XAGE5: variants seen among roughly 807,000 people sequenced by gnomAD.
XAGE5 encodes G antigen, family D, 5.
A neutral mutation model predicts 13.1 loss-of-function variants in XAGE5; 13 were observed. That is an observed-to-expected ratio of 0.99 (90% confidence interval 0.64 to 1.57). The LOEUF (loss-of-function observed/expected upper bound fraction) is 1.57. Ranked by LOEUF, XAGE5 falls within the 40% of genes most tolerant of loss-of-function variation. XAGE5 has a pLI of 0.00. For missense variants in XAGE5, 86 were observed against 77.6 expected, an observed-to-expected ratio of 1.11 and a Z score of -0.41; for synonymous variants, 17 against 25.0, an observed-to-expected ratio of 0.68 and a Z score of 0.96.
intron 2 of XAGE5, among the ~76,000 whole-genome samples, chrX:52,812,039 C>T (rs781823646): frequency 1.8e-5 from 2 of 111,476 alleles, no homozygotes; most frequent in South Asian, 7.5e-4. Context: ...TTGGAAATAC[C>T]GTGTGTCTCT....
chrX:52,812,159 A>T (rs1329029006), intron 2 of XAGE5: 1 of 132,759 alleles, frequency 7.5e-6, no homozygotes, highest in Non-Finnish European at 1.5e-5. Context: ...CTTACTTTTC[A>T]ATGTCTTACC....
Position 52,812,603 on chromosome X carries a change from T to C in XAGE5, c.37T>C (p.Cys13Arg), listed in dbSNP as rs1310593470. Residue 13 changes from cysteine to arginine, a missense_variant, in exon 3 of 6, where the codon TGT (cysteine) becomes CGT (arginine). Coordinates refer to ENST00000375501, the MANE Select transcript of XAGE5 (RefSeq NM_001386970.1). ...AGGAAGAAGATATAGACCAAGACGA[T>C]GTTTACGACTTGCTCAGCTGGTTGG... ...WRGRRYRPRR[C>R]LRLAQLVGPM... is the part of the protein sequence containing the mutation. The C allele has an allele frequency of 8.3e-7, 1 of 1,211,651 alleles. No individual in the cohort carries two copies. The highest frequency in any genetic ancestry group is 1.1e-6 in the Non-Finnish European group (1 of 895,451).
At chrX:52,817,566 G>C (rs1926929877) in intron 5 of XAGE5, among the ~76,000 whole-genome samples, 1 of 111,987 alleles carries the variant, frequency 8.9e-6, no homozygotes, top group South Asian at 3.7e-4. Context: ...GTTAGTGTAT[G>C]TTAAAAAAGA....
intron 1 of XAGE5, among the ~76,000 whole-genome samples, 50 bp downstream of exon 1, chrX:52,811,462 G>A (rs992725748): frequency 8.1e-5 from 9 of 111,576 alleles, no homozygotes; most frequent in East Asian, 2.8e-4. Flanking sequence ...GTCGGGGCGC[G>A]TGATTGGTGA....
chrX:52,811,957 T>C (rs1281352622), intron 2 of XAGE5, among the ~76,000 whole-genome samples: 1 of 111,241 alleles, frequency 9.0e-6, no homozygotes, highest in Non-Finnish European at 1.9e-5. Context: ...ATGGGCACTT[T>C]AATTTTAATT....
chrX:52,813,012 C>T, intron 3 of XAGE5, 128 bp from the exon 4 acceptor site: 1 of 542,883 alleles, frequency 1.8e-6, no homozygotes, highest in East Asian at 3.7e-5. Flanking sequence ...AGTGTAGGAG[C>T]ATGTCTTTAA....
chrX:52,815,342 G>A, intron 5 of XAGE5, 125 bp downstream of exon 5: 1 of 856,905 alleles, frequency 1.2e-6, no homozygotes, highest in Non-Finnish European at 1.6e-6. Flanking sequence ...GACTTTCTTT[G>A]GAAGGTAATT....
At chrX:52,812,485 GC>G in intron 2 of XAGE5, 73 bp from the exon 3 acceptor site, 5 of 971,185 alleles carry the variant, frequency 5.1e-6, no homozygotes, top group Non-Finnish European at 7.2e-6. Flanking sequence ...TTTTGGCCAA[GC>G]TGGCCTCGAG....
chrX:52,813,368 G>T (rs1479189497), intron 4 of XAGE5, 123 bp downstream of exon 4: 2 of 688,090 alleles, frequency 2.9e-6, no homozygotes, highest in African/African-American at 4.4e-5. Flanking sequence ...AACATTTGCT[G>T]AGAGTTTTGC....
intron 4 of XAGE5, among the ~76,000 whole-genome samples, chrX:52,813,545 A>G (rs1426311689): frequency 8.9e-6 from 1 of 111,769 alleles, no homozygotes; most frequent in Non-Finnish European, 1.9e-5. Flanking sequence ...TTATTTCACC[A>G]GTTTAACTTG....
chrX:52,816,922 CTT>C (rs1291535975), intron 5 of XAGE5, among the ~76,000 whole-genome samples: 1 of 111,129 alleles, frequency 9.0e-6, no homozygotes, highest in Non-Finnish European at 1.9e-5. Flanking sequence ...ACAGAATAAA[CTT>C]AAGGGAAAAG....
rs782289210 is a variant in XAGE5, at chrX:52,812,576, C to T, written c.10C>T (p.Arg4Ter). The T allele has an allele frequency of 1.7e-5, 20 of 1,208,694 alleles. No individual in the cohort carries two copies. The Admixed American group carries it at 2.4e-4, about 15-fold the overall frequency. Residue 4 changes from arginine (R) to a stop codon, truncating the protein, a stop_gained, in exon 3 of 6, where the codon CGA becomes TGA. Transcript: ENST00000375501. LOFTEE classifies it high-confidence loss of function. ...GTTTGCAGACTGAAATATGAGTTGG[C>T]GAGGAAGAAGATATAGACCAAGACG... MSW[R>*]GRRYRPRRCL...
chrX:52,816,886 A>G (rs1177325343), intron 5 of XAGE5, among the ~76,000 whole-genome samples: 2 of 112,063 alleles, frequency 1.8e-5, no homozygotes, highest in African/African-American at 3.2e-5. Flanking sequence ...AAATAATACT[A>G]AGACATAAAA....
chrX:52,812,378 T>G (rs1421694499), intron 2 of XAGE5, 181 bp from the exon 3 acceptor site: 2 of 361,512 alleles, frequency 5.5e-6, no homozygotes, highest in African/African-American at 2.6e-5. Flanking sequence ...GTTCAAGTGG[T>G]TCTCCTGCCT....
rs139024407 is a variant in XAGE5 at position 52,818,208 on chromosome X, C to G, written c.322C>G (p.Leu108Val). The change falls in exon 6 of 6, where the codon CTT becomes GTT. Residue 108 changes from leucine (L) to valine (V), a missense_variant. By Grantham distance (32) the Leu-to-Val change is conservative. Coordinates refer to ENST00000375501, the MANE Select transcript of XAGE5 (RefSeq NM_001386970.1). ...MPEGGEGKPQ[L>V] is the part of the protein sequence containing the mutation. ...TATTGCAGGGGAAGGGAAACCACAG[C>G]TTTAAACGAAGACAACCAAAAGAAT... 4.5e-5 allele frequency: 55 copies of G among 1,210,100 alleles called. 2 individuals carry two copies. The highest frequency in any genetic ancestry group is 3.0e-5 in the Non-Finnish European group (27 of 895,040).
intron 2 of XAGE5, chrX:52,812,271 T>TG: frequency 3.9e-6 from 1 of 254,304 alleles, no homozygotes; most frequent in Non-Finnish European, 7.0e-6. Context: ...GTTTTTGCTT[T>TG]GGTTTGGTTT....
In XAGE5 at chrX:52,814,838, G is replaced by A. The variant is rs1384701709; in HGVS notation, c.179-254G>A. On this transcript the variant is annotated intron_variant, in intron 4 of 5. Transcript: ENST00000375501. ...AAGTTATGATTAAAATGCTATCCGT[G>A]AGGCCGTCTTCAGTTTTCCTAGGTA... 3.2e-5 allele frequency: 10 copies of A among 314,695 alleles called. No homozygotes were observed. The Admixed American group carries it at 4.9e-4, about 15-fold the overall frequency. 25.9% of individuals were successfully genotyped at this position (314,695 alleles called of 1,213,427 possible). A position where few individuals can be genotyped will look rare whatever the true frequency, so the allele number is the denominator to read the frequency against.
chrX:52,811,905 AG>A (rs1183264701), intron 2 of XAGE5, among the ~76,000 whole-genome samples, 186 bp downstream of exon 2: 1 of 111,258 alleles, frequency 9.0e-6, no homozygotes, highest in Admixed American at 9.6e-5. Context: ...ACTCGATTTT[AG>A]GGGGGAAACG....
Position 52,812,658 on chromosome X carries a change from AT to A in XAGE5, c.72+27del. ...ATGCTTGTGAGTGACTTCACATTCGATTTTTTTCTACTAGCAGAAATTTTTT... is the reference window on the plus strand; with the variant it reads ...ATGCTTGTGAGTGACTTCACATTCGATTTTTTCTACTAGCAGAAATTTTTT... On this transcript the variant is annotated intron_variant, in intron 3 of 5. Transcript: ENST00000375501. 2.5e-6 allele frequency: 3 copies of A among 1,204,868 alleles called. No individual in the cohort carries two copies. Among genetic ancestry groups the A allele is most frequent in the Non-Finnish European group, 3.4e-6 (3 of 890,063 alleles).
Sources: allele counts gnomAD v4.1 joint callset (sites outside exome capture counted in the v4.1 genomes callset), GRCh38; gene constraint gnomAD v4.1.1; transcripts MANE v1.5; gene names NCBI Gene and HGNC (gene_info 2026-07-23, HGNC 2026-07-21).